VGLL4: variants seen among roughly 807,000 people sequenced by gnomAD.
The protein encoded by VGLL4 is vestigial like family member 4.
A neutral mutation model predicts 21.0 loss-of-function variants in VGLL4; 7 were observed. The observed-to-expected ratio is 0.33, with a 90% CI of 0.19 to 0.63. The LOEUF (loss-of-function observed/expected upper bound fraction) is 0.63, where lower values mean the gene tolerates loss of function less well. VGLL4 is among the 20% of genes least tolerant of loss of function. The pLI is 0.78. For synonymous variants in VGLL4, 222 were observed against 173.2 expected (o/e 1.28, Z -2.21); for missense variants, 394 against 425.7 (o/e 0.93, Z 0.66).
chr3:11,611,166 T>C (rs992147429), intron 1 of VGLL4, among the ~76,000 whole-genome samples: 1 of 152,092 alleles, frequency 6.6e-6, no homozygotes, highest in Non-Finnish European at 1.5e-5. Flanking sequence ...GGGGAGCTTA[T>C]TGGCTGAACC....
At position 11,603,667 on chromosome 3, in the gene VGLL4, T is replaced by C. The variant is rs181024263; in HGVS notation, c.83-1645A>G. 4.5e-3 allele frequency among the ~76,000 whole-genome samples: 689 copies of C among 152,212 alleles called. 2 individuals carry two copies. The highest frequency in any genetic ancestry group is 7.7e-3 in the Non-Finnish European group (527 of 68,002). ...AACTGCAAATCAAACCTCATCAAAATGGCACCAGCTGACCCTCCTCTCCAC... is the reference window on the plus strand; with the variant it reads ...AACTGCAAATCAAACCTCATCAAAACGGCACCAGCTGACCCTCCTCTCCAC... On this transcript the variant is annotated intron_variant, in intron 1 of 4. Coordinates refer to ENST00000430365, the MANE Select transcript of VGLL4 (RefSeq NM_001128219.3).
intron 2 of VGLL4, among the ~76,000 whole-genome samples, chr3:11,679,687 A>G (rs1332386415): frequency 6.6e-6 from 1 of 152,198 alleles, no homozygotes; most frequent in African/African-American, 2.4e-5. Context: ...TGGCTCAAAA[A>G]AAAGAAGAAA....
chr3:11,704,383 C>CA (rs57593843), intron 1 of VGLL4, among the ~76,000 whole-genome samples: 3,435 of 69,012 alleles, frequency 0.05, 92 homozygotes, highest in South Asian at 0.11. Flanking sequence ...AACTCCGTCT[C>CA]AAAAAAAAAA....
Position 11,556,404 on chromosome 3 carries a change from T to TCC in VGLL4, c.*2150_*2151dup, listed in dbSNP as rs1381687861. On this transcript the variant is annotated 3_prime_UTR_variant, in exon 5 of 5. Coordinates refer to ENST00000430365, the MANE Select transcript of VGLL4 (RefSeq NM_001128219.3). The stretch of plus-strand genomic sequence containing the variant: ...CCCGGCCGCCAGCACCGCCGACCCC[T>TCC]CCCAGAGTGACGCCCTTGTTCACTG... 2.0e-5 allele frequency: 3 copies of TCC among 152,806 alleles called. No homozygotes were observed. Among genetic ancestry groups the TCC allele is most frequent in the Non-Finnish European group, 2.9e-5 (2 of 68,176 alleles). 9.5% of individuals were successfully genotyped at this position (152,806 alleles called of 1,614,324 possible).
At chr3:11,671,439 T>C (rs1559936311) in intron 2 of VGLL4, 1 of 759,780 alleles carries the variant, frequency 1.3e-6, no homozygotes, top group Non-Finnish European at 2.4e-6. Flanking sequence ...AACACAGTTG[T>C]CCCTCAGTAT....
At position 11,573,277 on chromosome 3, in the gene VGLL4, AAGAAAGAAAGAAAGAAAGAAAGAAAG is replaced by A. The variant is rs2073874032; in HGVS notation, c.273-8284_273-8259del. ...AAAGAAAGAAAGAAAGAAAGAAAGA[AAGAAAGAAAGAAAGAAAGAAAGAAAG>A]AAAGGAAGGAAGGAAGAAAGAAAGA... On this transcript the variant is annotated intron_variant, in intron 2 of 4. Coordinates refer to ENST00000430365, the MANE Select transcript of VGLL4 (RefSeq NM_001128219.3). Among the ~76,000 whole-genome samples the A allele has an allele frequency of 5.5e-4, 13 of 23,442 alleles. 1 individual carries two copies. The highest frequency in any genetic ancestry group is 9.5e-5 in the Non-Finnish European group (1 of 10,496). 15.4% of individuals were successfully genotyped at this position (23,442 alleles called of 152,430 possible). A position where few individuals can be genotyped will look rare whatever the true frequency, so the allele number is the denominator to read the frequency against.
In VGLL4 at chr3:11,564,865, T is replaced by C; in HGVS notation, c.427A>G (p.Lys143Glu). 1 of 1,609,194 alleles carries C rather than the reference T, an allele frequency of 6.2e-7. No individual in the cohort carries two copies. The highest frequency in any genetic ancestry group is 8.5e-7 in the Non-Finnish European group (1 of 1,178,628). ...LGLEQPLALT[K>E]NSLDASRPAG... ...GGCCTGCTGGCGTCCAGGCTGTTCT[T>C]GGTCAGTGCGAGGGGCTGCTCCAGG... The change falls in exon 3 of 5, where the codon AAG becomes GAG. Residue 143 changes from lysine (K) to glutamate (E), a missense_variant. Physicochemically the swap from Lys to Glu is moderately conservative, Grantham distance 56. Transcript: ENST00000430365.
chr3:11,605,419 A>C (rs1200986127), intron 1 of VGLL4, among the ~76,000 whole-genome samples: 4 of 150,808 alleles, frequency 2.7e-5, no homozygotes, highest in Non-Finnish European at 5.9e-5. Context: ...CGAAACCCCA[A>C]CTGCCTTTCT....
intron 1 of VGLL4, among the ~76,000 whole-genome samples, chr3:11,613,787 G>A (rs1040252644): frequency 2.0e-5 from 3 of 152,234 alleles, no homozygotes; most frequent in African/African-American, 7.2e-5. Flanking sequence ...TACACTGTTT[G>A]TTGGATTCCA....
chr3:11,695,799 C>A (rs1314510315), intron 2 of VGLL4, among the ~76,000 whole-genome samples: 1 of 152,114 alleles, frequency 6.6e-6, no homozygotes, highest in African/African-American at 2.4e-5. Context: ...AAATGCACGG[C>A]ACACCCCTCT....
intron 1 of VGLL4, among the ~76,000 whole-genome samples, chr3:11,631,516 G>A (rs997851998): frequency 4.6e-5 from 7 of 152,088 alleles, no homozygotes; most frequent in African/African-American, 1.7e-4. Context: ...AGCTTAAACA[G>A]CTGTCTGCCT....
intron 4 of VGLL4, 129 bp downstream of exon 4, chr3:11,559,203 A>G: frequency 7.1e-7 from 1 of 1,410,860 alleles, no homozygotes; most frequent in South Asian, 1.5e-5. Context: ...GGACGTGCTC[A>G]AGAAATACTT....
intron 3 of VGLL4, among the ~76,000 whole-genome samples, chr3:11,563,340 G>C (rs2073198640): frequency 6.6e-6 from 1 of 152,254 alleles, no homozygotes; most frequent in Admixed American, 6.5e-5. Flanking sequence ...GCTCATGGCA[G>C]CATTACAATG....
At chr3:11,622,412 T>A (rs1050944354) in intron 1 of VGLL4, among the ~76,000 whole-genome samples, 1 of 73,168 alleles carries the variant, frequency 1.4e-5, no homozygotes, top group Non-Finnish European at 3.2e-5. Flanking sequence ...TTTTAATGGT[T>A]TTTACAAAAA....
intron 1 of VGLL4, among the ~76,000 whole-genome samples, chr3:11,617,847 C>T (rs2075192389): frequency 6.6e-6 from 1 of 152,224 alleles, no homozygotes. Context: ...GTCTAATTAA[C>T]CTCTCATATT....
At chr3:11,718,295 G>A (rs760658371) in intron 1 of VGLL4, among the ~76,000 whole-genome samples, 15 of 152,226 alleles carry the variant, frequency 9.9e-5, no homozygotes, top group Non-Finnish European at 1.6e-4. Context: ...ACTGTCTTGA[G>A]TGTAAGACAA....
chr3:11,558,934 G>A (rs940971172), intron 4 of VGLL4, 107 bp from the exon 5 acceptor site: 259 of 1,330,078 alleles, frequency 1.9e-4, no homozygotes, highest in Non-Finnish European at 1.7e-4. Flanking sequence ...TGGCTGCCAC[G>A]GTCAGCGTGG....
intron 2 of VGLL4, among the ~76,000 whole-genome samples, chr3:11,569,288 G>C (rs573446945): frequency 9.5e-4 from 145 of 152,348 alleles, no homozygotes; most frequent in African/African-American, 3.2e-3. Flanking sequence ...ATCTGAGTCT[G>C]AGTTCCTCTG....
At chr3:11,623,884 G>C (rs2075308362) in intron 1 of VGLL4, among the ~76,000 whole-genome samples, 1 of 151,880 alleles carries the variant, frequency 6.6e-6, no homozygotes, top group Non-Finnish European at 1.5e-5. Context: ...GGGACTACAA[G>C]TGCCCTCCAC....
Sources: allele counts gnomAD v4.1 joint callset (sites outside exome capture counted in the v4.1 genomes callset), GRCh38; gene constraint gnomAD v4.1.1; transcripts MANE v1.5; gene names NCBI Gene and HGNC (gene_info 2026-07-23, HGNC 2026-07-21).